CCDC171: variants seen among roughly 807,000 people sequenced by gnomAD.
CCDC171 encodes the protein coiled-coil domain containing 171, also known as coiled-coil domain-containing protein 171.
A neutral mutation model predicts 168.2 loss-of-function variants in CCDC171; 177 were observed. The observed-to-expected ratio is 1.05, with a 90% confidence interval of 0.93 to 1.19. CCDC171 has a LOEUF of 1.19. Among genes scored for constraint, CCDC171 ranks in the 50% most tolerant of loss-of-function variants. CCDC171 has a pLI of 0.00. For synonymous variants in CCDC171, 687 were observed against 540.8 expected (o/e 1.27, Z -3.75); for missense variants, 1,991 against 1,539.0 (o/e 1.29, Z -4.91).
In CCDC171 at chr9:15,971,829, G is replaced by T. The variant is rs1162471166; in HGVS notation, c.3974G>T (p.Gly1325Val). 6.2e-7 allele frequency: 1 copy of T among 1,610,556 alleles called. No individual in the cohort carries two copies. The highest frequency in any genetic ancestry group is 8.5e-7 in the Non-Finnish European group (1 of 1,177,078). Residue 1325 changes from glycine to valine, a missense_variant, in exon 26 of 26, where the codon GGA (glycine) becomes GTA (valine). Physicochemically the swap from Gly to Val is moderately radical, Grantham distance 109 (BLOSUM62 -3). Transcript: ENST00000380701. ...AATGCCAACAGACCAACTCAGATTG[G>T]ATTATGACTTCATGAAATTAAAAAA... ...SANANRPTQIGL is the reference protein window; with the variant it reads ...SANANRPTQIVL
At chr9:15,685,599 C>A (rs1356522731) in intron 10 of CCDC171, among the ~76,000 whole-genome samples, 1 of 151,962 alleles carries the variant, frequency 6.6e-6, no homozygotes, top group African/African-American at 2.4e-5. Flanking sequence ...TACACCAGTG[C>A]ATGCTAGCCT....
chr9:15,673,456 C>G (rs541167043), intron 9 of CCDC171, among the ~76,000 whole-genome samples: 70 of 152,234 alleles, frequency 4.6e-4, no homozygotes, highest in African/African-American at 1.6e-3. Flanking sequence ...CCAGTTTTTG[C>G]CCATTCAGTA....
chr9:15,899,545 T>C (rs1238243095), intron 24 of CCDC171, among the ~76,000 whole-genome samples: 1 of 152,216 alleles, frequency 6.6e-6, no homozygotes, highest in African/African-American at 2.4e-5. Flanking sequence ...GGTGTAGTGA[T>C]ATCTTACTAT....
chr9:15,948,671 T>C (rs1482419482), intron 25 of CCDC171, among the ~76,000 whole-genome samples: 1 of 151,896 alleles, frequency 6.6e-6, no homozygotes, highest in Non-Finnish European at 1.5e-5. Flanking sequence ...TTTGATGGGG[T>C]TGTTTTTTTC....
chr9:16,002,213 A>T (rs980209282), intron 3 of CCDC171, among the ~76,000 whole-genome samples: 1 of 151,038 alleles, frequency 6.6e-6, no homozygotes, highest in Non-Finnish European at 1.5e-5. Flanking sequence ...GTTAACTGTA[A>T]AACAACCTCA....
rs549062502 is a variant in CCDC171, at chr9:16,051,645, G to A, written n.89+8759G>A. 4.1e-4 allele frequency among the ~76,000 whole-genome samples: 62 copies of A among 152,292 alleles called. 1 individual carries two copies. The South Asian group carries it at 9.8e-3, about 24-fold the overall frequency. On this transcript the variant is annotated intron_variant and non_coding_transcript_variant, in intron 1 of 1. Coordinates refer to the CCDC171 transcript ENST00000478913. The stretch of plus-strand genomic sequence containing the variant: ...ACTTCACTTGCTACCCAGCATGAGT[G>A]CACCATGATGGATCTGGAATCAAAC...
At chr9:16,013,034 C>A (rs771809969) in intron 3 of CCDC171, among the ~76,000 whole-genome samples, 41 of 152,180 alleles carry the variant, frequency 2.7e-4, no homozygotes, top group Non-Finnish European at 5.4e-4. Context: ...CTGGGGAACA[C>A]CTTCACCCAT....
At chr9:15,588,653 C>CTA (rs918064885) in intron 4 of CCDC171, 4 of 241,976 alleles carry the variant, frequency 1.7e-5, no homozygotes, top group African/African-American at 9.5e-5. Context: ...CTTTTGGTGA[C>CTA]TATACAGTTT....
At chr9:15,982,210 G>GCA (rs35798462) in intron 3 of CCDC171, among the ~76,000 whole-genome samples, 11,570 of 152,084 alleles carry the variant, frequency 0.076, 1,436 homozygotes, top group African/African-American at 0.26. Context: ...TAGCCTTCAT[G>GCA]CTTCTGAGAA....
chr9:15,721,816 G>T lies in CCDC171; in HGVS notation c.1366G>T (p.Glu456Ter). The change falls in exon 12 of 26, where the codon GAG becomes TAG. Residue 456 changes from glutamate (E) to a stop codon, truncating the protein, a stop_gained. Coordinates refer to ENST00000380701, the MANE Select transcript of CCDC171 (RefSeq NM_173550.4). LOFTEE classifies it high-confidence loss of function. ...ACCTCCCAGCTTCTCTGTTGTCCTT[G>T]AGAGATTGAGGCGTACCTTGACAGA... ...DKPPSFSVVL[E>*]RLRRTLTDYQ... 1 of 1,568,848 alleles carries T rather than the reference G, an allele frequency of 6.4e-7. No individual in the cohort carries two copies. The highest frequency in any genetic ancestry group is 1.2e-5 in the South Asian group (1 of 84,242).
chr9:15,898,643 A>C (rs2131600620), intron 24 of CCDC171, among the ~76,000 whole-genome samples: 1 of 152,244 alleles, frequency 6.6e-6, no homozygotes, highest in Admixed American at 6.5e-5. Flanking sequence ...CATGTCTATA[A>C]ATTTGTATAT....
intron 4 of CCDC171, among the ~76,000 whole-genome samples, chr9:15,589,059 T>G (rs2131408906): frequency 6.6e-6 from 1 of 152,186 alleles, no homozygotes; most frequent in Middle Eastern, 3.4e-3. Context: ...ACGTCGTTGT[T>G]TTTTGAGGAA....
chr9:15,560,343 C>T (rs1390249192), intron 1 of CCDC171, among the ~76,000 whole-genome samples: 1 of 152,162 alleles, frequency 6.6e-6, no homozygotes, highest in Admixed American at 6.5e-5. Context: ...GTTCCATTCT[C>T]CCCGTCACTT....
At chr9:16,040,807 TTC>T (rs1169477092), upstream of CCDC171, among the ~76,000 whole-genome samples, 3 of 152,238 alleles carry the variant, frequency 2.0e-5, no homozygotes, top group African/African-American at 7.2e-5. Context: ...ATTAACAAGC[TTC>T]TCTCTACTTC....
chr9:15,563,132 G>T (rs1201603648), intron 1 of CCDC171, among the ~76,000 whole-genome samples: 1 of 150,570 alleles, frequency 6.6e-6, no homozygotes, highest in Non-Finnish European at 1.5e-5. Flanking sequence ...ACTTTTTCAA[G>T]TTACTTCTTT....
intron 21 of CCDC171, among the ~76,000 whole-genome samples, chr9:15,801,621 T>C (rs1019289537): frequency 3.9e-5 from 6 of 152,100 alleles, no homozygotes; most frequent in African/African-American, 1.4e-4. Flanking sequence ...TTCTCTTGTT[T>C]GATTGCTCGA....
At chr9:15,923,916 T>C (rs933395648) in intron 25 of CCDC171, among the ~76,000 whole-genome samples, 2 of 151,336 alleles carry the variant, frequency 1.3e-5, no homozygotes, top group African/African-American at 4.8e-5. Context: ...AGATCTAGGA[T>C]TTGTAGTAAC....
At chr9:15,747,479 A>G (rs533162765) in intron 18 of CCDC171, among the ~76,000 whole-genome samples, 3 of 152,302 alleles carry the variant, frequency 2.0e-5, no homozygotes, top group African/African-American at 7.2e-5. Flanking sequence ...GTAGGGGCCA[A>G]CAGACACCTC....
intron 24 of CCDC171, among the ~76,000 whole-genome samples, chr9:15,890,160 C>G (rs928281860): frequency 2.7e-5 from 4 of 149,638 alleles, no homozygotes; most frequent in Non-Finnish European, 4.4e-5. Flanking sequence ...AAAGGTAACT[C>G]AAACTTTTTT....
Sources: gnomAD v4.1 joint callset for allele counts (sites outside exome capture counted in the v4.1 genomes callset) on GRCh38, gnomAD v4.1.1 for gene constraint, MANE v1.5 for transcripts, NCBI Gene and HGNC (gene_info 2026-07-23, HGNC 2026-07-21) for gene names.